Variants in DST observed in about 807,000 individuals in gnomAD.
DST encodes the protein dystonin.
DST carries 253 observed loss-of-function variants against 875.2 expected under a neutral mutation model. The ratio of observed to expected loss-of-function variants is 0.29; its 90% CI spans 0.26 to 0.32. The LOEUF (loss-of-function observed/expected upper bound fraction) is 0.32. Ranked by LOEUF, DST falls within the 10% of genes least tolerant of loss-of-function variation. DST has a pLI of 1.00. For missense variants in DST, 8,287 were observed against 9,111.6 expected, an observed-to-expected ratio of 0.91 and a Z score of 3.68; for synonymous variants, 3,124 against 3,197.1, an observed-to-expected ratio of 0.98 and a Z score of 0.77.
At chr6:56,566,313 A>C (rs1316159532) in intron 55 of DST, among the ~76,000 whole-genome samples, 2 of 152,172 alleles carry the variant, frequency 1.3e-5, no homozygotes, top group African/African-American at 4.8e-5. Context: ...CTTGAAACCC[A>C]GAGCCCTGGT....
chr6:56,706,569 T>C (rs1163923998), intron 5 of DST, among the ~76,000 whole-genome samples: 4 of 152,200 alleles, frequency 2.6e-5, no homozygotes, highest in African/African-American at 9.7e-5. Flanking sequence ...TTCCTACTCA[T>C]GGACTGGTTT....
At chr6:56,924,208 A>C (rs911913846) in intron 2 of DST, among the ~76,000 whole-genome samples, 1 of 152,148 alleles carries the variant, frequency 6.6e-6, no homozygotes, top group Non-Finnish European at 1.5e-5. Flanking sequence ...TTGACACATA[A>C]AATTAACCAT....
chr6:56,786,273 C>A (rs1439615039), intron 4 of DST, among the ~76,000 whole-genome samples: 1 of 152,172 alleles, frequency 6.6e-6, no homozygotes, highest in African/African-American at 2.4e-5. Flanking sequence ...TCAGGTTCAC[C>A]CATTTCTTAG....
chr6:56,605,564 C>G lies in DST; in HGVS notation c.9064G>C (p.Asp3022His). ...CTTCCATTTCCTTGAGGATCTTTGT[C>G]AGTTACAGAGGCTATCAATGACAAA... Reference protein sequence around the residue: ...SHLSLIASVTDKDPQGNGSDL... With the variant: ...SHLSLIASVTHKDPQGNGSDL... Residue 3022 changes from aspartate (D) to histidine (H), a missense_variant, in exon 40 of 104, where the codon GAC becomes CAC. Transcript: ENST00000680361. The G allele has an allele frequency of 6.2e-7, 1 of 1,613,040 alleles. No individual in the cohort carries two copies.
At chr6:56,691,720 T>C (rs769673388) in intron 9 of DST, among the ~76,000 whole-genome samples, 2 of 152,072 alleles carry the variant, frequency 1.3e-5, no homozygotes, top group Non-Finnish European at 2.9e-5. Flanking sequence ...ATATCAGTGT[T>C]AGGAATAAAG....
intron 10 of DST, among the ~76,000 whole-genome samples, chr6:56,657,827 G>A (rs1398843760): frequency 6.6e-6 from 1 of 152,124 alleles, no homozygotes; most frequent in South Asian, 2.1e-4. Flanking sequence ...GTGCAGTGGT[G>A]CAATCTCAGC....
In DST at chr6:56,607,216, A is replaced by AAT; in HGVS notation, c.7410_7411dup (p.Phe2471TyrfsTer13). The AAT allele has an allele frequency of 6.2e-7, 1 of 1,613,484 alleles. No homozygotes were observed. Among genetic ancestry groups the AAT allele is most frequent in the East Asian group, 2.2e-5 (1 of 44,866 alleles). On this transcript the variant is annotated frameshift_variant, in exon 40 of 104. Coordinates refer to ENST00000680361, the MANE Select transcript of DST (RefSeq NM_001374736.1). LOFTEE classifies it high-confidence loss of function. ...ACCTGACAACATGGTTTTGTCACTG[A>AAT]ATGATAAGGCTGGGGCTTCACACTT... is the stretch of plus-strand genomic sequence containing the variant.
chr6:56,754,397 A>G (rs2099596567), intron 4 of DST, among the ~76,000 whole-genome samples: 1 of 152,174 alleles, frequency 6.6e-6, no homozygotes, highest in African/African-American at 2.4e-5. Flanking sequence ...TCTAAGTTCT[A>G]TGTTCTTAAT....
intron 3 of DST, among the ~76,000 whole-genome samples, chr6:56,873,909 C>T (rs1393796460): frequency 6.6e-6 from 1 of 152,066 alleles, no homozygotes; most frequent in Non-Finnish European, 1.5e-5. Context: ...GATGAATATC[C>T]CAATTGTGAT....
intron 102 of DST, chr6:56,460,597 A>T (rs1036525166): frequency 5.8e-6 from 1 of 172,200 alleles, no homozygotes; most frequent in Admixed American, 5.9e-5. Context: ...AATATTCCAG[A>T]GTTAATGGTG....
chr6:56,597,791 C>A lies in DST; in HGVS notation c.12144G>T (p.Gly4048=), dbSNP rs748580142. 12 of 1,613,802 alleles carry A rather than the reference C, an allele frequency of 7.4e-6. No individual in the cohort carries two copies. In the African/African-American group the frequency reaches 1.6e-4, roughly 22 times the overall value. Residue 4048 remains glycine (G), a synonymous_variant, in exon 47 of 104, where the codon GGG becomes GGT. Coordinates refer to ENST00000680361, the MANE Select transcript of DST (RefSeq NM_001374736.1). The part of the protein sequence containing the change: ...NGNLLETDVD[G]QVGTTQENLN... ...GATTCTCCTGAGTGGTTCCAACTTG[C>A]CCATCAACATCAGTCTCCAACAGGT...
At chr6:56,614,092 T>C (rs2098585220) in intron 37 of DST, among the ~76,000 whole-genome samples, 1 of 152,168 alleles carries the variant, frequency 6.6e-6, no homozygotes, top group Admixed American at 6.5e-5. Context: ...GACCTAATTA[T>C]TAGGAAAAGC....
chr6:56,600,045 T>A, intron 45 of DST, 24 bp downstream of exon 45: 1 of 1,601,462 alleles, frequency 6.2e-7, no homozygotes. Context: ...AACATAGATC[T>A]GCTGATAGAA....
At chr6:56,481,943 T>A (rs938189363) in intron 90 of DST, 107 bp downstream of exon 90, 41 of 1,283,768 alleles carry the variant, frequency 3.2e-5, no homozygotes, top group South Asian at 8.2e-5. Flanking sequence ...GTTTAAGTAT[T>A]TCTCAGGAAG....
chr6:56,744,376 CT>C (rs1244665867), intron 4 of DST, among the ~76,000 whole-genome samples: 1 of 133,074 alleles, frequency 7.5e-6, no homozygotes, highest in East Asian at 2.0e-4. Flanking sequence ...AAGGCTGTAT[CT>C]CAAAAAAAAA....
intron 36 of DST, among the ~76,000 whole-genome samples, chr6:56,621,592 T>C (rs969470049): frequency 1.3e-5 from 2 of 152,302 alleles, no homozygotes; most frequent in Admixed American, 6.5e-5. Context: ...TCAGCTCCAA[T>C]GTATAGAAAA....
At chr6:56,578,193 A>C (rs2097904038) in intron 50 of DST, among the ~76,000 whole-genome samples, 1 of 151,458 alleles carries the variant, frequency 6.6e-6, no homozygotes, top group Non-Finnish European at 1.5e-5. Context: ...CAATACAGTG[A>C]GACCCCATCT....
At chr6:56,615,482 C>T (rs2152727593) in intron 36 of DST, 1 of 1,613,530 alleles carries the variant, frequency 6.2e-7, no homozygotes, top group African/African-American at 1.3e-5. Context: ...AACCAGCCTG[C>T]ATCACCCCTT....
chr6:56,937,933 T>C (rs1354197502), intron 2 of DST, among the ~76,000 whole-genome samples: 1 of 152,088 alleles, frequency 6.6e-6, no homozygotes, highest in Non-Finnish European at 1.5e-5. Context: ...TCTACTTATA[T>C]GCAATGTCCA....
Sources: allele counts gnomAD v4.1 joint callset (sites outside exome capture counted in the v4.1 genomes callset), GRCh38; gene constraint gnomAD v4.1.1; transcripts MANE v1.5; gene names NCBI Gene and HGNC (gene_info 2026-07-23, HGNC 2026-07-21).